Variants in CDS2 observed in about 807,000 individuals in gnomAD.
CDS2 encodes CDP-diacylglycerol synthase 2.
A neutral mutation model predicts 59.0 loss-of-function variants in CDS2; 47 were observed. That is an observed-to-expected ratio of 0.80 (90% confidence interval 0.63 to 1.02). The LOEUF is 1.02. Ranked by LOEUF, CDS2 falls within the 50% of genes least tolerant of loss-of-function variation. CDS2 has a pLI of 0.00. For synonymous variants in CDS2, 207 were observed against 206.4 expected (o/e 1.00, Z -0.02); for missense variants, 356 against 558.9 (o/e 0.64, Z 3.66).
intron 1 of CDS2, among the ~76,000 whole-genome samples, chr20:5,158,300 G>A (rs542212426): frequency 6.6e-6 from 1 of 151,788 alleles, no homozygotes; most frequent in South Asian, 2.1e-4. Context: ...CTCTTGAGTA[G>A]CTGGGATTAC....
intron 10 of CDS2, among the ~76,000 whole-genome samples, chr20:5,188,359 A>G (rs1568545250): frequency 6.6e-6 from 1 of 152,230 alleles, no homozygotes; most frequent in Non-Finnish European, 1.5e-5. Context: ...GTGTCAGAGA[A>G]TACCCAAAAC....
At chr20:5,165,009 G>C (rs1212181890) in intron 1 of CDS2, among the ~76,000 whole-genome samples, 3 of 152,206 alleles carry the variant, frequency 2.0e-5, no homozygotes, top group Admixed American at 2.0e-4. Context: ...CAAGGTGGGA[G>C]AGAGTGTTGG....
At chr20:5,188,931 GACCCAAAC>G in intron 10 of CDS2, 128 bp from the exon 11 acceptor site, 1 of 1,053,828 alleles carries the variant, frequency 9.5e-7, no homozygotes, top group Non-Finnish European at 1.4e-6. Flanking sequence ...TTGCCCCTGT[GACCCAAAC>G]ACCTCCCACT....
At chr20:5,168,758 C>G in intron 1 of CDS2, 2 of 433,912 alleles carry the variant, frequency 4.6e-6, no homozygotes, top group South Asian at 1.7e-5. Flanking sequence ...AAATGCTGTT[C>G]TGGACTGAGC....
intron 1 of CDS2, among the ~76,000 whole-genome samples, chr20:5,150,854 C>T (rs2090783459): frequency 6.6e-6 from 1 of 152,234 alleles, no homozygotes; most frequent in Non-Finnish European, 1.5e-5. Flanking sequence ...ATTTCTGTAG[C>T]TCCCACGTGA....
At chr20:5,168,439 GAAAA>G (rs11287231) in intron 1 of CDS2, among the ~76,000 whole-genome samples, 1 of 136,566 alleles carries the variant, frequency 7.3e-6, no homozygotes, top group African/African-American at 2.8e-5. Flanking sequence ...AAAAAGAAAA[GAAAA>G]AAAAAAAAGA....
intron 1 of CDS2, among the ~76,000 whole-genome samples, chr20:5,142,201 C>T (rs184437555): frequency 6.6e-6 from 1 of 152,178 alleles, no homozygotes; most frequent in Non-Finnish European, 1.5e-5. Flanking sequence ...AATCCCAGCA[C>T]TTTGGGAGGC....
intron 1 of CDS2, among the ~76,000 whole-genome samples, chr20:5,154,621 C>A (rs1237774765): frequency 7.3e-6 from 1 of 137,100 alleles, no homozygotes; most frequent in African/African-American, 2.6e-5. Context: ...GTCCAGTTGG[C>A]ACAAAGGACA....
intron 1 of CDS2, among the ~76,000 whole-genome samples, chr20:5,156,848 A>C (rs1253099284): frequency 6.6e-6 from 1 of 152,196 alleles, no homozygotes; most frequent in Non-Finnish European, 1.5e-5. Flanking sequence ...TGAAAGTCCC[A>C]TGGGAAAGGT....
rs866693155 is a variant in CDS2 at position 5,145,829 on chromosome 20, T to G, written c.57+18680T>G. Among the ~76,000 whole-genome samples, 17 of 150,428 alleles carry G rather than the reference T, an allele frequency of 1.1e-4. No individual in the cohort carries two copies. In the South Asian group the frequency reaches 3.4e-3, roughly 30 times the overall value. ...GTGTGTTTTGCTTTTTGTGTTTTTT[T>G]TTTTTTTTTTTTGAGACAAAGTCTC... is the stretch of plus-strand genomic sequence containing the variant. On this transcript the variant is annotated intron_variant, in intron 1 of 12. Transcript: ENST00000460006.
rs562532557 is a variant in CDS2, at chr20:5,130,955, G to A, written c.57+3806G>A. ...AAATACAAAAAATTAGCCGGGCGTGGTGGTGGGCGCCTGTAGTCCCAGCTA... is the reference window on the plus strand; with the variant it reads ...AAATACAAAAAATTAGCCGGGCGTGATGGTGGGCGCCTGTAGTCCCAGCTA... On this transcript the variant is annotated intron_variant, in intron 1 of 12. Transcript: ENST00000460006. Among the ~76,000 whole-genome samples, 7 of 152,158 alleles carry A rather than the reference G, an allele frequency of 4.6e-5. No individual in the cohort carries two copies. In the South Asian group the frequency reaches 1.5e-3, roughly 32 times the overall value.
chr20:5,132,083 C>T (rs901410796), intron 1 of CDS2, among the ~76,000 whole-genome samples: 2 of 151,694 alleles, frequency 1.3e-5, no homozygotes, highest in African/African-American at 2.4e-5. Context: ...GACCTATCTT[C>T]GGTTTATTTT....
intron 1 of CDS2, among the ~76,000 whole-genome samples, chr20:5,131,280 C>A (rs189521192): frequency 6.6e-6 from 1 of 152,258 alleles, no homozygotes; most frequent in East Asian, 1.9e-4. Context: ...ATGGAATTTT[C>A]AAAGCCAATT....
At chr20:5,162,777 G>A (rs1396084162) in intron 1 of CDS2, among the ~76,000 whole-genome samples, 1 of 152,056 alleles carries the variant, frequency 6.6e-6, no homozygotes, top group Non-Finnish European at 1.5e-5. Context: ...AGTCACAGGA[G>A]ACTGAGAAAG....
At position 5,193,755 on chromosome 20, in the gene CDS2, G is replaced by A. The variant is rs1373057429; in HGVS notation, c.*3521G>A. On this transcript the variant is annotated 3_prime_UTR_variant, in exon 13 of 13. Coordinates refer to ENST00000460006, the MANE Select transcript of CDS2 (RefSeq NM_003818.4). ...CAGAAAACTGTGAAGCAGGGGTCTTGTTAGTTACAAAGCCAGTCCTAGTTG... is the reference window on the plus strand; with the variant it reads ...CAGAAAACTGTGAAGCAGGGGTCTTATTAGTTACAAAGCCAGTCCTAGTTG... 6.6e-6 allele frequency: 1 copy of A among 152,340 alleles called. No individual in the cohort carries two copies. Among genetic ancestry groups the A allele is most frequent in the East Asian group, 1.9e-4 (1 of 5,190 alleles). 9.4% of individuals were successfully genotyped at this position (152,340 alleles called of 1,614,324 possible).
intron 1 of CDS2, among the ~76,000 whole-genome samples, chr20:5,172,358 A>G (rs1198112108): frequency 6.6e-6 from 1 of 152,238 alleles, no homozygotes. Context: ...AGAACATATT[A>G]GTAACACAAA....
chr20:5,172,639 C>T (rs2090964316), intron 1 of CDS2, among the ~76,000 whole-genome samples: 1 of 152,192 alleles, frequency 6.6e-6, no homozygotes, highest in Non-Finnish European at 1.5e-5. Flanking sequence ...CCTTCCCTTC[C>T]TCCCAGTACT....
chr20:5,134,926 A>G (rs978042615), intron 1 of CDS2, among the ~76,000 whole-genome samples: 3 of 152,240 alleles, frequency 2.0e-5, no homozygotes, highest in Non-Finnish European at 4.4e-5. Context: ...ATGTTTGATA[A>G]ACAAGAAGAT....
At chr20:5,180,029 C>A (rs2091022228) in intron 5 of CDS2, among the ~76,000 whole-genome samples, 1 of 152,162 alleles carries the variant, frequency 6.6e-6, no homozygotes, top group African/African-American at 2.4e-5. Flanking sequence ...TGAGGATATT[C>A]AGAGAGTATG....
Sources: gnomAD v4.1 joint callset for allele counts (sites outside exome capture counted in the v4.1 genomes callset) on GRCh38, gnomAD v4.1.1 for gene constraint, MANE v1.5 for transcripts, NCBI Gene and HGNC (gene_info 2026-07-23, HGNC 2026-07-21) for gene names.